Variants in ARHGAP12 observed in about 807,000 individuals in gnomAD.
The protein encoded by ARHGAP12 is rho GTPase-activating protein 12.
Under a neutral mutation model 108.6 loss-of-function variants are expected in ARHGAP12, and 64 were observed. The observed-to-expected ratio is 0.59, with a 90% CI of 0.48 to 0.73. The LOEUF is 0.73. ARHGAP12 is among the 30% of genes least tolerant of loss of function. The pLI is 0.00. For missense variants in ARHGAP12, 940 were observed against 1,005.9 expected (o/e 0.93, Z 0.89); for synonymous variants, 312 against 337.2 (o/e 0.93, Z 0.82).
intron 3 of ARHGAP12, among the ~76,000 whole-genome samples, chr10:31,898,400 G>T (rs1838789646): frequency 1.3e-5 from 2 of 152,036 alleles, no homozygotes; most frequent in Non-Finnish European, 2.9e-5. Context: ...TAAGCAAAAA[G>T]CCAGATAATA....
At chr10:31,838,828 C>T (rs1836130443) in intron 9 of ARHGAP12, among the ~76,000 whole-genome samples, 1 of 65,916 alleles carries the variant, frequency 1.5e-5, no homozygotes, top group African/African-American at 1.0e-4. Flanking sequence ...GAGGCTCCAT[C>T]TCAAAAAAAA....
chr10:31,832,869 C>T (rs1217661334), intron 9 of ARHGAP12, among the ~76,000 whole-genome samples: 1 of 152,092 alleles, frequency 6.6e-6, no homozygotes, highest in Non-Finnish European at 1.5e-5. Context: ...TGACAAACTG[C>T]TATGTCAATT....
At chr10:31,912,436 T>C (rs1839391873) in intron 1 of ARHGAP12, among the ~76,000 whole-genome samples, 1 of 152,158 alleles carries the variant, frequency 6.6e-6, no homozygotes, top group Non-Finnish European at 1.5e-5. Context: ...TAAAGGCCAG[T>C]CCACATTCAA....
At chr10:31,844,635 G>C (rs892309219) in intron 6 of ARHGAP12, among the ~76,000 whole-genome samples, 2 of 151,408 alleles carry the variant, frequency 1.3e-5, no homozygotes, top group African/African-American at 4.9e-5. Flanking sequence ...CTGGGCTCAA[G>C]AGATGTTCCT....
intron 9 of ARHGAP12, among the ~76,000 whole-genome samples, chr10:31,834,816 T>C (rs1325910962): frequency 1.3e-5 from 2 of 152,144 alleles, no homozygotes; most frequent in Non-Finnish European, 2.9e-5. Flanking sequence ...AAATAAAGCT[T>C]TAACTATTAA....
intron 3 of ARHGAP12, among the ~76,000 whole-genome samples, chr10:31,899,711 C>T (rs1838844532): frequency 6.6e-6 from 1 of 151,994 alleles, no homozygotes; most frequent in South Asian, 2.1e-4. Context: ...ACACCTTTCA[C>T]AAAAAATTAA....
intron 3 of ARHGAP12, among the ~76,000 whole-genome samples, chr10:31,881,551 A>G (rs2132366939): frequency 6.6e-6 from 1 of 152,326 alleles, no homozygotes; most frequent in East Asian, 1.9e-4. Flanking sequence ...AACAGAAACA[A>G]TAAACTGTTA....
chr10:31,883,086 G>A (rs980053287), intron 3 of ARHGAP12, among the ~76,000 whole-genome samples: 8 of 151,832 alleles, frequency 5.3e-5, no homozygotes, highest in African/African-American at 1.9e-4. Context: ...ATCTGAGGTC[G>A]GGAGTTTGAG....
intron 3 of ARHGAP12, among the ~76,000 whole-genome samples, chr10:31,887,405 T>C (rs1038288478): frequency 1.3e-5 from 2 of 152,184 alleles, no homozygotes; most frequent in Non-Finnish European, 2.9e-5. Flanking sequence ...TATCTGGGCA[T>C]TGTGGCTCAG....
At chr10:31,808,026 G>A (rs1834878876) in intron 19 of ARHGAP12, among the ~76,000 whole-genome samples, 194 bp from the exon 20 acceptor site, 1 of 152,092 alleles carries the variant, frequency 6.6e-6, no homozygotes, top group Non-Finnish European at 1.5e-5. Flanking sequence ...GATAAACACA[G>A]CTGAAAGATA....
At chr10:31,899,034 T>A (rs941464300) in intron 3 of ARHGAP12, among the ~76,000 whole-genome samples, 1 of 152,130 alleles carries the variant, frequency 6.6e-6, no homozygotes, top group East Asian at 1.9e-4. Context: ...TGGCTGAACA[T>A]TGAAAACATT....
chr10:31,806,563 T>G lies in ARHGAP12; in HGVS notation c.*1095A>C, dbSNP rs1169062818. On this transcript the variant is annotated 3_prime_UTR_variant, in exon 20 of 20. Transcript: ENST00000344936. Reference sequence around the variant, plus strand: ...CTGGAATTAGAATTCTGTAATAAATTTTTTCTAATGTTTTCTGTACATATT... The same window carrying G: ...CTGGAATTAGAATTCTGTAATAAATGTTTTCTAATGTTTTCTGTACATATT... 6.6e-6 allele frequency: 1 copy of G among 152,602 alleles called. No homozygotes were observed. The allele number at this position is 152,602 out of a possible 1,614,324, so 9.5% of individuals were successfully genotyped here.
At chr10:31,916,719 C>T (rs937512309) in intron 1 of ARHGAP12, among the ~76,000 whole-genome samples, 10 of 152,084 alleles carry the variant, frequency 6.6e-5, no homozygotes, top group Non-Finnish European at 1.2e-4. Flanking sequence ...CGGGTTCAAG[C>T]GATTCTCCTG....
At chr10:31,869,105 CAG>C (rs1433289825) in intron 3 of ARHGAP12, among the ~76,000 whole-genome samples, 2 of 152,124 alleles carry the variant, frequency 1.3e-5, no homozygotes, top group Non-Finnish European at 2.9e-5. Context: ...GCAGATAAAT[CAG>C]AGTTAAAATG....
At chr10:31,819,426 G>C (rs1328804050) in intron 12 of ARHGAP12, among the ~76,000 whole-genome samples, 3 of 152,166 alleles carry the variant, frequency 2.0e-5, no homozygotes, top group African/African-American at 7.2e-5. Flanking sequence ...TTGGATCTCT[G>C]TAACCACACC....
chr10:31,872,868 T>C (rs184139975), intron 3 of ARHGAP12, among the ~76,000 whole-genome samples: 1 of 152,330 alleles, frequency 6.6e-6, no homozygotes, highest in Admixed American at 6.5e-5. Flanking sequence ...ATACTACTCA[T>C]AATTCTATTA....
At chr10:31,861,229 C>G (rs1369488494) in intron 4 of ARHGAP12, among the ~76,000 whole-genome samples, 166 bp downstream of exon 4, 1 of 152,198 alleles carries the variant, frequency 6.6e-6, no homozygotes, top group Admixed American at 6.5e-5. Context: ...TAGGAAGTAG[C>G]TAGCATTAAT....
At chr10:31,846,109 A>G (rs906149000) in intron 6 of ARHGAP12, among the ~76,000 whole-genome samples, 2 of 145,698 alleles carry the variant, frequency 1.4e-5, no homozygotes, top group Admixed American at 7.1e-5. Flanking sequence ...ACTAGTATCA[A>G]CATTTTACTA....
intron 15 of ARHGAP12, 44 bp downstream of exon 15, chr10:31,812,663 G>A (rs570044495): frequency 2.3e-5 from 27 of 1,189,590 alleles, no homozygotes; most frequent in Middle Eastern, 2.0e-4. Context: ...TATTTATGAC[G>A]TAGGCCAACA....
Sources: allele counts gnomAD v4.1 joint callset (sites outside exome capture counted in the v4.1 genomes callset), GRCh38; gene constraint gnomAD v4.1.1; transcripts MANE v1.5; gene names NCBI Gene and HGNC (gene_info 2026-07-23, HGNC 2026-07-21).